The following ADAM18 variants were observed in gnomAD, a reference collection of about 807,000 sequenced individuals.
ADAM18 encodes the protein disintegrin and metalloproteinase domain-containing protein 18.
A neutral mutation model predicts 94.4 loss-of-function variants in ADAM18; 117 were observed. The observed-to-expected ratio is 1.24, with a 90% CI of 1.07 to 1.45. The LOEUF (loss-of-function observed/expected upper bound fraction) is 1.45. ADAM18 is among the 40% of genes most tolerant of loss of function. The pLI is 0.00. For missense variants in ADAM18, 936 were observed against 880.0 expected, an observed-to-expected ratio of 1.06 and a Z score of -0.81; for synonymous variants, 327 against 291.6, an observed-to-expected ratio of 1.12 and a Z score of -1.24.
At chr8:39,617,150 GA>G (rs976331189) in intron 6 of ADAM18, among the ~76,000 whole-genome samples, 11 of 151,082 alleles carry the variant, frequency 7.3e-5, no homozygotes, top group African/African-American at 1.5e-4. Flanking sequence ...AAATTTACAA[GA>G]AAAAAAAGAA....
At chr8:39,693,517 C>T (rs1290076718) in intron 17 of ADAM18, among the ~76,000 whole-genome samples, 1 of 151,052 alleles carries the variant, frequency 6.6e-6, no homozygotes, top group Admixed American at 6.6e-5. Context: ...AATATCTCAA[C>T]ACAAAGTTAT....
intron 18 of ADAM18, among the ~76,000 whole-genome samples, chr8:39,710,693 G>T (rs550848560): frequency 6.6e-6 from 1 of 152,252 alleles, no homozygotes; most frequent in South Asian, 2.1e-4. Flanking sequence ...GGAGGAAAAA[G>T]GGAATTACTA....
chr8:39,594,793 G>GTTTTTTTTTTT (rs71237182), intron 2 of ADAM18, among the ~76,000 whole-genome samples: 4 of 46,870 alleles, frequency 8.5e-5, no homozygotes, highest in Middle Eastern at 0.019. Flanking sequence ...TTTGCTGTGA[G>GTTTTTTTTTTT]TTTTTTTTTT....
At chr8:39,615,958 A>G (rs1819426725) in intron 6 of ADAM18, among the ~76,000 whole-genome samples, 1 of 152,336 alleles carries the variant, frequency 6.6e-6, no homozygotes, top group East Asian at 1.9e-4. Context: ...TCTCATTCAC[A>G]TTAGCCACAA....
rs1185576030 is a variant in ADAM18 at position 39,606,366 on chromosome 8, A to C, written c.188+4A>C. 2 of 1,537,814 alleles carry C rather than the reference A, an allele frequency of 1.3e-6. No individual in the cohort carries two copies. Among genetic ancestry groups the C allele is most frequent in the African/African-American group, 2.8e-5 (2 of 71,634 alleles). The stretch of plus-strand genomic sequence containing the variant: ...ACACTCTACATCTCGGAAAACAGTA[A>C]GATATGATTTTTTTTTCATTAAGGA... On this transcript the variant is annotated splice_donor_region_variant and intron_variant, in intron 3 of 19. Coordinates refer to ENST00000265707, the MANE Select transcript of ADAM18 (RefSeq NM_014237.3).
At chr8:39,593,257 T>C (rs1818630162) in intron 2 of ADAM18, among the ~76,000 whole-genome samples, 1 of 152,184 alleles carries the variant, frequency 6.6e-6, no homozygotes, top group Non-Finnish European at 1.5e-5. Context: ...GCTTGTTTGC[T>C]TTTATGTTAT....
chr8:39,622,381 T>G lies in ADAM18; in HGVS notation c.523-6993T>G, dbSNP rs1014960467. The stretch of plus-strand genomic sequence containing the variant: ...AAAATGTTCACAATTTTAAATGTGT[T>G]AACCATAAAATGCAATTTTGAAAAA... On this transcript the variant is annotated intron_variant, in intron 6 of 19. Coordinates refer to ENST00000265707, the MANE Select transcript of ADAM18 (RefSeq NM_014237.3). Among the ~76,000 whole-genome samples the G allele has an allele frequency of 2.0e-5, 3 of 151,066 alleles. No individual in the cohort carries two copies. The East Asian group carries it at 5.8e-4, about 29-fold the overall frequency.
chr8:39,633,548 G>A (rs1007046935), intron 7 of ADAM18, among the ~76,000 whole-genome samples: 1 of 152,078 alleles, frequency 6.6e-6, no homozygotes, highest in Non-Finnish European at 1.5e-5. Flanking sequence ...GAGGTCCAAG[G>A]TATTGGAAAT....
At chr8:39,613,944 A>G (rs949860677) in intron 6 of ADAM18, among the ~76,000 whole-genome samples, 7 of 152,226 alleles carry the variant, frequency 4.6e-5, no homozygotes, top group African/African-American at 1.7e-4. Flanking sequence ...AATGCAAAAG[A>G]ATGAATAAAA....
intron 14 of ADAM18, among the ~76,000 whole-genome samples, chr8:39,668,804 G>A (rs1456397813): frequency 1.3e-5 from 2 of 152,040 alleles, no homozygotes; most frequent in Non-Finnish European, 2.9e-5. Flanking sequence ...AAATTACCCA[G>A]TGAAATGCAT....
intron 18 of ADAM18, 40 bp from the exon 19 acceptor site, chr8:39,723,708 C>A: frequency 7.6e-7 from 1 of 1,316,666 alleles, no homozygotes; most frequent in Non-Finnish European, 1.0e-6. Context: ...TTTAAATATC[C>A]ACTGAGTCCC....
chr8:39,662,563 G>C (rs577741102), intron 12 of ADAM18, among the ~76,000 whole-genome samples: 1 of 152,126 alleles, frequency 6.6e-6, no homozygotes, highest in African/African-American at 2.4e-5. Flanking sequence ...TGGTGTAAAT[G>C]CAGTGTTATT....
intron 17 of ADAM18, among the ~76,000 whole-genome samples, chr8:39,703,189 C>T (rs754689628): frequency 6.6e-6 from 1 of 152,034 alleles, no homozygotes; most frequent in Non-Finnish European, 1.5e-5. Context: ...TTGTAGAGAC[C>T]TTTCACCTGC....
chr8:39,717,114 T>C lies in ADAM18; in HGVS notation c.2018-6634T>C, dbSNP rs1354363808. ...TTTTGTGTGTGTGAAATTTGTATAG[T>C]TGTGTGTTGCGTGTCTGTGATTAGC... is the stretch of plus-strand genomic sequence containing the variant. On this transcript the variant is annotated intron_variant, in intron 18 of 19. Transcript: ENST00000265707. 2.6e-5 allele frequency among the ~76,000 whole-genome samples: 4 copies of C among 151,854 alleles called. No homozygotes were observed. The East Asian group carries it at 5.8e-4, about 22-fold the overall frequency.
At chr8:39,690,210 T>C (rs1037581105) in intron 16 of ADAM18, among the ~76,000 whole-genome samples, 1 of 152,130 alleles carries the variant, frequency 6.6e-6, no homozygotes. Flanking sequence ...GGTGGAGTCA[T>C]GGGTGTAGGT....
chr8:39,728,887 C>CA (rs1304844900), intron 19 of ADAM18, among the ~76,000 whole-genome samples: 7 of 151,870 alleles, frequency 4.6e-5, no homozygotes, highest in Admixed American at 2.0e-4. Context: ...GCATGTCTGG[C>CA]AAAAAAATTG....
intron 6 of ADAM18, among the ~76,000 whole-genome samples, chr8:39,624,364 C>T (rs993843853): frequency 9.9e-5 from 15 of 152,164 alleles, no homozygotes; most frequent in South Asian, 2.1e-4. Context: ...CCTTCTTCCA[C>T]ATGTGGCTAT....
chr8:39,601,519 T>C (rs542302550), intron 2 of ADAM18, among the ~76,000 whole-genome samples: 2 of 152,358 alleles, frequency 1.3e-5, no homozygotes, highest in African/African-American at 2.4e-5. Context: ...GCCTTCTTAG[T>C]TTTTAATGTA....
chr8:39,652,246 A>G (rs1820559856), intron 12 of ADAM18, among the ~76,000 whole-genome samples: 1 of 152,166 alleles, frequency 6.6e-6, no homozygotes. Flanking sequence ...GAAACAGTCA[A>G]CAAAGTAAAG....
Sources: allele counts gnomAD v4.1 joint callset (sites outside exome capture counted in the v4.1 genomes callset), GRCh38; gene constraint gnomAD v4.1.1; transcripts MANE v1.5; gene names NCBI Gene and HGNC (gene_info 2026-07-23, HGNC 2026-07-21).